The following DNM3 variants were observed in gnomAD, a reference collection of about 807,000 sequenced individuals.
DNM3 encodes dynamin 3, also known as dynamin-3.
In DNM3, 47 loss-of-function variants were observed where a neutral mutation model predicts 101.6. That is an observed-to-expected ratio of 0.46 (90% CI 0.37 to 0.59). The LOEUF is 0.59. Ranked by LOEUF, DNM3 falls within the 20% of genes least tolerant of loss-of-function variation. The pLI is 0.00. For synonymous variants in DNM3, 385 were observed against 387.9 expected, an observed-to-expected ratio of 0.99 and a Z score of 0.09; for missense variants, 849 against 1,085.7, an observed-to-expected ratio of 0.78 and a Z score of 3.06.
chr1:172,046,733 T>C (rs781740734), intron 9 of DNM3, among the ~76,000 whole-genome samples: 4 of 152,200 alleles, frequency 2.6e-5, no homozygotes, highest in Non-Finnish European at 5.9e-5. Context: ...ATTCTATTTC[T>C]TCTCCACCAA....
intron 17 of DNM3, among the ~76,000 whole-genome samples, chr1:172,360,874 A>G (rs547075796): frequency 5.2e-4 from 79 of 152,134 alleles, no homozygotes; most frequent in Middle Eastern, 3.4e-3. Context: ...AAGGAAATCT[A>G]CTTCACATAG....
chr1:172,152,117 C>T (rs1408077474), intron 14 of DNM3, among the ~76,000 whole-genome samples: 1 of 152,116 alleles, frequency 6.6e-6, no homozygotes, highest in Non-Finnish European at 1.5e-5. Flanking sequence ...CTCCTGGACT[C>T]ATGGGATCTT....
At chr1:171,965,281 G>A (rs980213637) in intron 2 of DNM3, among the ~76,000 whole-genome samples, 3 of 151,886 alleles carry the variant, frequency 2.0e-5, no homozygotes, top group Non-Finnish European at 4.4e-5. Context: ...GGTAGCTCAT[G>A]TCTGTAATTC....
chr1:171,918,915 A>T (rs982955719), intron 1 of DNM3, among the ~76,000 whole-genome samples: 1 of 152,210 alleles, frequency 6.6e-6, no homozygotes, highest in Non-Finnish European at 1.5e-5. Context: ...ACAAGCATGA[A>T]TTGAAACAGG....
chr1:172,275,201 A>G (rs2148763735), intron 15 of DNM3, among the ~76,000 whole-genome samples: 1 of 152,122 alleles, frequency 6.6e-6, no homozygotes, highest in South Asian at 2.1e-4. Context: ...CATAGATTAG[A>G]ACACATGGTC....
chr1:171,864,943 A>G (rs1467516511), intron 1 of DNM3, among the ~76,000 whole-genome samples: 1 of 152,092 alleles, frequency 6.6e-6, no homozygotes, highest in Non-Finnish European at 1.5e-5. Context: ...TTGTAATGAA[A>G]TTAATCACTC....
intron 12 of DNM3, among the ~76,000 whole-genome samples, chr1:172,088,294 C>T (rs2053669395): frequency 1.3e-5 from 2 of 152,148 alleles, no homozygotes; most frequent in Admixed American, 1.3e-4. Context: ...AGGCATAATT[C>T]AGGCATGATG....
At chr1:172,043,900 G>A (rs1291941303) in intron 8 of DNM3, among the ~76,000 whole-genome samples, 1 of 152,092 alleles carries the variant, frequency 6.6e-6, no homozygotes, top group Non-Finnish European at 1.5e-5. Context: ...ATCCTGTGTT[G>A]TCTTTTTAAA....
At chr1:172,020,721 C>CAAAAAAAAAAAAA (rs3051630) in intron 4 of DNM3, among the ~76,000 whole-genome samples, 4 of 66,330 alleles carry the variant, frequency 6.0e-5, no homozygotes, top group Non-Finnish European at 8.6e-5. Flanking sequence ...GAGACTCCGT[C>CAAAAAAAAAAAAA]AAAAAAAAAA....
chr1:172,041,444 A>G (rs531343497), intron 7 of DNM3, among the ~76,000 whole-genome samples: 9 of 152,304 alleles, frequency 5.9e-5, no homozygotes, highest in Admixed American at 5.9e-4. Flanking sequence ...AAGGCAGCTA[A>G]GAGGAAATAA....
At chr1:172,200,427 T>C (rs986468705) in intron 14 of DNM3, among the ~76,000 whole-genome samples, 1 of 152,138 alleles carries the variant, frequency 6.6e-6, no homozygotes, top group Non-Finnish European at 1.5e-5. Flanking sequence ...TTCTCTGTAT[T>C]TCCTGAATTT....
intron 17 of DNM3, among the ~76,000 whole-genome samples, chr1:172,363,712 A>T (rs900347288): frequency 1.3e-5 from 2 of 151,806 alleles, no homozygotes; most frequent in Non-Finnish European, 2.9e-5. Context: ...AGCCCACCAC[A>T]TGTCATCTCA....
At chr1:171,908,976 C>CTCCCT (rs2039061497) in intron 1 of DNM3, among the ~76,000 whole-genome samples, 1 of 152,136 alleles carries the variant, frequency 6.6e-6, no homozygotes. Context: ...TTTCTTCCTC[C>CTCCCT]CTCCCTTTTT....
chr1:172,383,725 G>C (rs1188020936), intron 18 of DNM3, among the ~76,000 whole-genome samples: 1 of 152,070 alleles, frequency 6.6e-6, no homozygotes, highest in Non-Finnish European at 1.5e-5. Flanking sequence ...TGCTAGAGAA[G>C]GGTTAAAGTA....
chr1:172,278,118 T>G (rs2063355229), intron 15 of DNM3, among the ~76,000 whole-genome samples: 1 of 152,154 alleles, frequency 6.6e-6, no homozygotes, highest in Admixed American at 6.6e-5. Context: ...ACTTTTTTTG[T>G]ATTCTGTTCA....
chr1:172,265,404 G>A (rs192494133), intron 15 of DNM3, among the ~76,000 whole-genome samples: 213 of 152,246 alleles, frequency 1.4e-3, no homozygotes, highest in African/African-American at 4.9e-3. Context: ...CACTTGAGGA[G>A]AGCGAATTTC....
chr1:171,900,435 A>G (rs933506000), intron 1 of DNM3, among the ~76,000 whole-genome samples: 1 of 152,280 alleles, frequency 6.6e-6, no homozygotes, highest in East Asian at 1.9e-4. Flanking sequence ...ACTGAGAAGG[A>G]GGCAAGGAGT....
At chr1:172,305,610 T>A (rs958422970) in intron 15 of DNM3, among the ~76,000 whole-genome samples, 1 of 152,214 alleles carries the variant, frequency 6.6e-6, no homozygotes, top group African/African-American at 2.4e-5. Flanking sequence ...ATATCCGTGA[T>A]GAACATCGAT....
At chr1:172,246,414 TAA>T (rs1557875926) in intron 14 of DNM3, among the ~76,000 whole-genome samples, 1 of 151,956 alleles carries the variant, frequency 6.6e-6, no homozygotes, top group Non-Finnish European at 1.5e-5. Context: ...ATTAAAAAAA[TAA>T]GTCTGCAATT....
Sources: gnomAD v4.1 joint callset for allele counts (sites outside exome capture counted in the v4.1 genomes callset) on GRCh38, gnomAD v4.1.1 for gene constraint, MANE v1.5 for transcripts, NCBI Gene and HGNC (gene_info 2026-07-23, HGNC 2026-07-21) for gene names.